The following MGA variants were observed in gnomAD, a reference collection of about 807,000 sequenced individuals.
MGA encodes MAX gene-associated protein.
Under a neutral mutation model 261.1 loss-of-function variants are expected in MGA, and 40 were observed. That is an observed-to-expected ratio of 0.15 (90% confidence interval 0.12 to 0.20). The LOEUF is 0.20. Among genes scored for constraint, MGA ranks in the 10% least tolerant of loss-of-function variants. MGA has a pLI of 1.00. For missense variants in MGA, 3,397 were observed against 3,630.5 expected, an observed-to-expected ratio of 0.94 and a Z score of 1.65; for synonymous variants, 1,302 against 1,290.6, an observed-to-expected ratio of 1.01 and a Z score of -0.19.
chr15:41,623,931 A>G (rs1937955819), intron 1 of MGA, among the ~76,000 whole-genome samples: 1 of 151,244 alleles, frequency 6.6e-6, no homozygotes, highest in African/African-American at 2.4e-5. Flanking sequence ...ACACCTGGCT[A>G]ATTTTTGTAA....
chr15:41,630,899 T>C (rs762869998), intron 1 of MGA, among the ~76,000 whole-genome samples: 25 of 152,146 alleles, frequency 1.6e-4, no homozygotes, highest in Admixed American at 7.2e-4. Flanking sequence ...CTGGTGTGAA[T>C]TGTAGGTGTG....
intron 2 of MGA, among the ~76,000 whole-genome samples, chr15:41,686,816 G>A (rs985928061): frequency 1.3e-5 from 2 of 151,756 alleles, no homozygotes; most frequent in Admixed American, 6.6e-5. Flanking sequence ...TACATTCTTG[G>A]GCTAAACATT....
chr15:41,702,707 C>G (rs79757626), intron 5 of MGA, among the ~76,000 whole-genome samples: 2 of 152,024 alleles, frequency 1.3e-5, no homozygotes, highest in Non-Finnish European at 2.9e-5. Context: ...TTTTTCTTTC[C>G]GTGGTACTAT....
intron 18 of MGA, among the ~76,000 whole-genome samples, chr15:41,755,596 T>C (rs1010917181): frequency 2.0e-5 from 3 of 152,206 alleles, no homozygotes; most frequent in Non-Finnish European, 4.4e-5. Flanking sequence ...TCTTACAAAA[T>C]TGTATTGAAA....
intron 1 of MGA, among the ~76,000 whole-genome samples, chr15:41,622,848 G>C (rs1039060166): frequency 5.3e-5 from 8 of 152,154 alleles, no homozygotes; most frequent in African/African-American, 1.9e-4. Flanking sequence ...AGTATAAATT[G>C]TATGTTTTCC....
intron 1 of MGA, among the ~76,000 whole-genome samples, chr15:41,647,825 A>C (rs2056964799): frequency 6.6e-6 from 1 of 152,146 alleles, no homozygotes; most frequent in African/African-American, 2.4e-5. Context: ...GGGGGATTAC[A>C]TACTCCCCTA....
chr15:41,738,496 C>T (rs1021636713), intron 13 of MGA, among the ~76,000 whole-genome samples: 10 of 152,148 alleles, frequency 6.6e-5, no homozygotes, highest in Admixed American at 2.0e-4. Context: ...GTTGATATTT[C>T]TTATACTCTT....
intron 2 of MGA, among the ~76,000 whole-genome samples, chr15:41,670,253 A>G (rs1330764685): frequency 4.6e-5 from 7 of 152,226 alleles, no homozygotes; most frequent in African/African-American, 1.4e-4. Context: ...CCACCCAAGA[A>G]TACCAACACC....
At chr15:41,683,069 G>C (rs1304619855) in intron 2 of MGA, among the ~76,000 whole-genome samples, 1 of 152,072 alleles carries the variant, frequency 6.6e-6, no homozygotes, top group Non-Finnish European at 1.5e-5. Context: ...TTGCCTCCCG[G>C]TTTCCTGTTG....
At chr15:41,686,653 T>C (rs1372220878) in intron 2 of MGA, among the ~76,000 whole-genome samples, 1 of 152,210 alleles carries the variant, frequency 6.6e-6, no homozygotes, top group African/African-American at 2.4e-5. Flanking sequence ...TGAAATACTT[T>C]CCTACTGTTA....
At chr15:41,657,060 G>A (rs1347231727), upstream of MGA, among the ~76,000 whole-genome samples, 1 of 151,972 alleles carries the variant, frequency 6.6e-6, no homozygotes, top group Admixed American at 6.5e-5. Context: ...GATTACAGGC[G>A]TGAACCACTG....
At chr15:41,699,658 C>T (rs1044058457) in intron 5 of MGA, among the ~76,000 whole-genome samples, 3 of 151,800 alleles carry the variant, frequency 2.0e-5, no homozygotes, top group Admixed American at 1.3e-4. Flanking sequence ...CCTGCCACCG[C>T]GCCTGGCTAA....
rs562458895 is a variant in MGA at position 41,727,169 on chromosome 15, T to C, written c.3431-11T>C. ...AAAGTACCTAAAACCTTACCCTTCT[T>C]TTTTGTTAAGCTATATGTGAGACAG... is the stretch of plus-strand genomic sequence containing the variant. On this transcript the variant is annotated splice_polypyrimidine_tract_variant and intron_variant, in intron 9 of 23. Transcript: ENST00000219905. 7.5e-6 allele frequency: 12 copies of C among 1,603,810 alleles called. No homozygotes were observed. In the South Asian group the frequency reaches 1.3e-4, roughly 18 times the overall value.
chr15:41,680,267 T>C (rs1441769025), intron 2 of MGA, among the ~76,000 whole-genome samples: 1 of 152,240 alleles, frequency 6.6e-6, no homozygotes, highest in Non-Finnish European at 1.5e-5. Flanking sequence ...TTTCTTCTAG[T>C]TTTGCCCTTG....
At chr15:41,722,606 A>T (rs900781164) in intron 9 of MGA, among the ~76,000 whole-genome samples, 3 of 152,164 alleles carry the variant, frequency 2.0e-5, no homozygotes, top group Non-Finnish European at 4.4e-5. Flanking sequence ...GTTTACATGG[A>T]TGTATAGTTC....
chr15:41,733,140 T>C (rs1035541457), intron 11 of MGA, among the ~76,000 whole-genome samples: 2 of 152,100 alleles, frequency 1.3e-5, no homozygotes, highest in African/African-American at 4.8e-5. Flanking sequence ...TATGCTTTAG[T>C]TGAGACGGGG....
chr15:41,767,646 T>G lies in MGA; in HGVS notation c.*366T>G, dbSNP rs1017609992. The G allele has an allele frequency of 8.1e-6, 2 of 247,598 alleles. No individual in the cohort carries two copies. Among genetic ancestry groups the G allele is most frequent in the Non-Finnish European group, 1.6e-5 (2 of 127,140 alleles). The allele number at this position is 247,598 out of a possible 1,614,324, so 15.3% of individuals were successfully genotyped here. A position where few individuals can be genotyped will look rare whatever the true frequency, so the allele number is the denominator to read the frequency against. ...GAAAGAGCTGTTTGCAACTTTGGAG[T>G]TGCTGTAGACTGAACTGTAGCTTGT... On this transcript the variant is annotated 3_prime_UTR_variant, in exon 24 of 24. Transcript: ENST00000219905.
At chr15:41,683,160 C>G (rs941052516) in intron 2 of MGA, among the ~76,000 whole-genome samples, 1 of 152,062 alleles carries the variant, frequency 6.6e-6, no homozygotes, top group African/African-American at 2.4e-5. Flanking sequence ...TTATTGATCC[C>G]TCATATTATG....
At chr15:41,644,765 C>A (rs1328775955) in intron 1 of MGA, among the ~76,000 whole-genome samples, 1 of 152,100 alleles carries the variant, frequency 6.6e-6, no homozygotes, top group African/African-American at 2.4e-5. Flanking sequence ...GTCTTCAGTC[C>A]TCCTTATTTT....
Sources: gnomAD v4.1 joint callset for allele counts (sites outside exome capture counted in the v4.1 genomes callset) on GRCh38, gnomAD v4.1.1 for gene constraint, MANE v1.5 for transcripts, NCBI Gene and HGNC (gene_info 2026-07-23, HGNC 2026-07-21) for gene names.